Variants in MDFIC observed in about 807,000 individuals in gnomAD.
MDFIC encodes the protein MyoD family inhibitor domain containing.
MDFIC carries 17 observed loss-of-function variants against 23.2 expected under a neutral mutation model. The observed-to-expected ratio is 0.73, with a 90% CI of 0.50 to 1.10. The LOEUF (loss-of-function observed/expected upper bound fraction) is 1.10, where lower values mean the gene tolerates loss of function less well. Ranked by LOEUF, MDFIC falls within the 50% of genes least tolerant of loss-of-function variation. The probability of loss-of-function intolerance (pLI) is 0.00; values close to 1 mark genes in which losing one functional copy is unlikely to be tolerated. For missense variants in MDFIC, 356 were observed against 316.6 expected (o/e 1.12, Z -0.95); for synonymous variants, 120 against 115.2 (o/e 1.04, Z -0.27).
chr7:114,922,780 AAC>A, intron 1 of MDFIC, 144 bp downstream of exon 1: 1 of 853,822 alleles, frequency 1.2e-6, no homozygotes, highest in South Asian at 2.2e-5. Context: ...CTTGCGCTGT[AAC>A]AGTTTTCTTC....
intron 3 of MDFIC, among the ~76,000 whole-genome samples, chr7:114,960,490 C>T (rs1054529287): frequency 1.3e-5 from 2 of 151,924 alleles, no homozygotes; most frequent in African/African-American, 4.8e-5. Flanking sequence ...TCTTAAAAAA[C>T]CCCGCAAACA....
chr7:114,980,992 A>G (rs1793407868), intron 4 of MDFIC, among the ~76,000 whole-genome samples: 1 of 152,208 alleles, frequency 6.6e-6, no homozygotes, highest in South Asian at 2.1e-4. Context: ...TTCCAAACTA[A>G]TTAGATTGAA....
At chr7:114,991,062 C>T (rs971543550) in intron 4 of MDFIC, among the ~76,000 whole-genome samples, 1 of 152,118 alleles carries the variant, frequency 6.6e-6, no homozygotes, top group Non-Finnish European at 1.5e-5. Flanking sequence ...GAGATGGTAT[C>T]TCATTGTGGT....
In MDFIC at chr7:114,923,017, G is replaced by C; in HGVS notation, c.-17G>C. The C allele has an allele frequency of 2.1e-6, 3 of 1,447,826 alleles. No homozygotes were observed. The South Asian group carries it at 4.1e-5, about 20-fold the overall frequency. The allele number at this position is 1,447,826 out of a possible 1,614,324, so 89.7% of individuals were successfully genotyped here. ...GCTAGGCGGCAGCGGCGCGGCGCGGGCTCGGCGGAGCGGCCCATGTCCGGC... is the reference window on the plus strand; with the variant it reads ...GCTAGGCGGCAGCGGCGCGGCGCGGCCTCGGCGGAGCGGCCCATGTCCGGC... On this transcript the variant is annotated 5_prime_UTR_variant, in exon 2 of 5. Transcript: ENST00000393486.
In MDFIC at chr7:114,954,116, C is replaced by T. The variant is rs116260459; in HGVS notation, c.217+11719C>T. On this transcript the variant is annotated intron_variant, in intron 3 of 4. Coordinates refer to ENST00000393486, the MANE Select transcript of MDFIC (RefSeq NM_001166345.3). ...TGATTCTTTAAGTCTAACAGCCGTACCTGTTTCACTCATTCCACCCTGCAC... is the reference window on the plus strand; with the variant it reads ...TGATTCTTTAAGTCTAACAGCCGTATCTGTTTCACTCATTCCACCCTGCAC... Among the ~76,000 whole-genome samples, 704 of 152,318 alleles carry T rather than the reference C, an allele frequency of 4.6e-3. 5 individuals carry two copies. The highest frequency in any genetic ancestry group is 0.015 in the African/African-American group (638 of 41,552).
Position 114,922,303 on chromosome 7 carries a change from G to A in MDFIC, c.-441G>A, listed in dbSNP as rs146405038. 579 of 888,826 alleles carry A rather than the reference G, an allele frequency of 6.5e-4. 3 individuals carry two copies. In the African/African-American group the frequency reaches 8.8e-3, roughly 14 times the overall value. The allele number at this position is 888,826 out of a possible 1,614,324, so 55.1% of individuals were successfully genotyped here. A position where few individuals can be genotyped will look rare whatever the true frequency, so the allele number is the denominator to read the frequency against. Reference sequence around the variant, plus strand: ...GGATGTGATGAAAAAGAGCAACAGAGGGAGAAGTGTTTCAGGATTGTAGGA... The same window carrying A: ...GGATGTGATGAAAAAGAGCAACAGAAGGAGAAGTGTTTCAGGATTGTAGGA... On this transcript the variant is annotated 5_prime_UTR_variant, in exon 1 of 5. Coordinates refer to ENST00000393486, the MANE Select transcript of MDFIC (RefSeq NM_001166345.3).
At chr7:114,942,069 C>A (rs1792552135) in intron 2 of MDFIC, among the ~76,000 whole-genome samples, 1 of 152,140 alleles carries the variant, frequency 6.6e-6, no homozygotes, top group Non-Finnish European at 1.5e-5. Flanking sequence ...ATGAACATCT[C>A]TGGTTCTTTA....
At chr7:114,973,101 G>GTGTGTATATA (rs367602602) in intron 3 of MDFIC, among the ~76,000 whole-genome samples, 5 of 147,746 alleles carry the variant, frequency 3.4e-5, no homozygotes, top group African/African-American at 1.2e-4. Context: ...GTGTGTGTGT[G>GTGTGTATATA]TATATATATA....
intron 4 of MDFIC, among the ~76,000 whole-genome samples, chr7:114,981,008 C>G (rs1362226037): frequency 6.6e-6 from 1 of 152,158 alleles, no homozygotes; most frequent in East Asian, 1.9e-4. Context: ...TTGAAAGGGA[C>G]TTGATTGACA....
chr7:114,952,994 T>C (rs1006991072), intron 3 of MDFIC, among the ~76,000 whole-genome samples: 2 of 152,226 alleles, frequency 1.3e-5, no homozygotes, highest in Admixed American at 1.3e-4. Context: ...TACCATTTTC[T>C]TCTTATTCTT....
At chr7:114,939,581 A>AT (rs1277094758) in intron 2 of MDFIC, among the ~76,000 whole-genome samples, 1 of 151,960 alleles carries the variant, frequency 6.6e-6, no homozygotes, top group Non-Finnish European at 1.5e-5. Flanking sequence ...GAAGAACTTT[A>AT]TTTTTTGCCT....
chr7:114,980,331 C>T (rs1245984072), intron 4 of MDFIC, among the ~76,000 whole-genome samples: 2 of 152,182 alleles, frequency 1.3e-5, no homozygotes, highest in African/African-American at 4.8e-5. Context: ...CATCTCCACT[C>T]CCATCCCATT....
intron 2 of MDFIC, among the ~76,000 whole-genome samples, chr7:114,940,136 C>T (rs187421638): frequency 1.2e-3 from 177 of 152,284 alleles, no homozygotes; most frequent in Non-Finnish European, 8.8e-4. Context: ...GTAAATGTTA[C>T]ATAAATCTAG....
chr7:114,923,553 C>G, intron 2 of MDFIC: 1 of 1,535,336 alleles, frequency 6.5e-7, no homozygotes, highest in East Asian at 2.4e-5. Flanking sequence ...CCTCTACCAC[C>G]CGGTTGATAA....
At chr7:114,923,554 C>T (rs1028975660) in intron 2 of MDFIC, 66 of 1,534,968 alleles carry the variant, frequency 4.3e-5, no homozygotes, top group Non-Finnish European at 5.3e-5. Context: ...CTCTACCACC[C>T]GGTTGATAAT....
chr7:114,929,257 C>T (rs941183302), intron 2 of MDFIC, among the ~76,000 whole-genome samples: 1 of 152,124 alleles, frequency 6.6e-6, no homozygotes, highest in African/African-American at 2.4e-5. Flanking sequence ...CAGGCGTGTG[C>T]CACCAAACCT....
chr7:114,998,707 C>T (rs1224230973), intron 4 of MDFIC, among the ~76,000 whole-genome samples: 1 of 151,948 alleles, frequency 6.6e-6, no homozygotes, highest in Non-Finnish European at 1.5e-5. Flanking sequence ...TTGCTATATT[C>T]TTTCCATTTC....
rs1259372336 is a variant in MDFIC at position 115,018,300 on chromosome 7, A to G, written c.*2365A>G. On this transcript the variant is annotated 3_prime_UTR_variant, in exon 5 of 5. Coordinates refer to ENST00000393486, the MANE Select transcript of MDFIC (RefSeq NM_001166345.3). The stretch of plus-strand genomic sequence containing the variant: ...CCTAATGACCTGGAATTGTTAGAAT[A>G]TTTGACTTTTTATATGCAAAGTTTT... The G allele has an allele frequency of 6.6e-6, 1 of 151,980 alleles. No individual in the cohort carries two copies. Among genetic ancestry groups the G allele is most frequent in the Non-Finnish European group, 1.5e-5 (1 of 67,852 alleles). 9.4% of individuals were successfully genotyped at this position (151,980 alleles called of 1,614,324 possible).
At chr7:115,007,630 G>GTATA (rs10528546) in intron 4 of MDFIC, among the ~76,000 whole-genome samples, 3,047 of 132,588 alleles carry the variant, frequency 0.023, 39 homozygotes, top group South Asian at 0.04. Flanking sequence ...GCGTGTGTGT[G>GTATA]TATATATATA....
Sources: allele counts gnomAD v4.1 joint callset (sites outside exome capture counted in the v4.1 genomes callset), GRCh38; gene constraint gnomAD v4.1.1; transcripts MANE v1.5; gene names NCBI Gene and HGNC (gene_info 2026-07-23, HGNC 2026-07-21).